C6orf58: variants seen among roughly 807,000 people sequenced by gnomAD.
The protein encoded by C6orf58 is chromosome 6 open reading frame 58.
Under a neutral mutation model 37.0 loss-of-function variants are expected in C6orf58, and 30 were observed. The observed-to-expected ratio is 0.81, with a 90% CI of 0.61 to 1.10. The LOEUF is 1.10. Among genes scored for constraint, C6orf58 ranks in the 50% least tolerant of loss-of-function variants. The pLI, the probability that C6orf58 is intolerant of heterozygous loss-of-function variation, is 0.00. For missense variants in C6orf58, 368 were observed against 387.5 expected, an observed-to-expected ratio of 0.95 and a Z score of 0.42; for synonymous variants, 143 against 134.1, an observed-to-expected ratio of 1.07 and a Z score of -0.46.
chr6:127,591,676 C>T lies in C6orf58; in HGVS notation c.*54C>T, dbSNP rs544547304. 36 of 1,396,140 alleles carry T rather than the reference C, an allele frequency of 2.6e-5. No homozygotes were observed. In the East Asian group the frequency reaches 4.4e-4, roughly 17 times the overall value. The allele number at this position is 1,396,140 out of a possible 1,614,324, so 86.5% of individuals were successfully genotyped here. ...ATTAATGAATTAAAAATGAAAAACT[C>T]GAACTTGACAATCAGTAATTTCAAA... On this transcript the variant is annotated 3_prime_UTR_variant, in exon 6 of 6. Transcript: ENST00000329722.
intron 4 of C6orf58, among the ~76,000 whole-genome samples, chr6:127,582,347 A>G (rs1361770724): frequency 6.6e-6 from 1 of 152,176 alleles, no homozygotes; most frequent in Non-Finnish European, 1.5e-5. Flanking sequence ...AATTGAACCA[A>G]CATAAATCAA....
rs1774999601 is a variant in C6orf58 at position 127,577,323 on chromosome 6, GAAC to G, written c.140_142del (p.Asn47del). 6.2e-7 allele frequency: 1 copy of G among 1,613,462 alleles called. No homozygotes were observed. Among genetic ancestry groups the G allele is most frequent in the African/African-American group, 1.3e-5 (1 of 74,878 alleles). On this transcript the variant is annotated inframe_deletion, in exon 1 of 6. Transcript: ENST00000329722. ...GTCAGCTCAGTGACTACAGGGTGGAGAACAGCATGTACATTATTAATCCCTGGG... is the reference window on the plus strand; with the variant it reads ...GTCAGCTCAGTGACTACAGGGTGGAGAGCATGTACATTATTAATCCCTGGG...
At position 127,580,421 on chromosome 6, in the gene C6orf58, C is replaced by T. The variant is rs763269625; in HGVS notation, c.545C>T (p.Thr182Ile). The T allele has an allele frequency of 2.5e-6, 4 of 1,612,540 alleles. No homozygotes were observed. The Admixed American group carries it at 6.7e-5, about 27-fold the overall frequency. Residue 182 changes from threonine (T) to isoleucine (I), a missense_variant, in exon 3 of 6, where the codon ACA (threonine) becomes ATA (isoleucine). Physicochemically the swap from Thr to Ile is moderately conservative, Grantham distance 89. Transcript: ENST00000329722. ...AGCTGTCGTTCATCCTTCCCTGAGA[C>T]AATGAACAAGTGGAACACCTTTTAC... ...VSSCRSSFPETMNKWNTFYQY... is the reference protein window; with the variant it reads ...VSSCRSSFPEIMNKWNTFYQY...
chr6:127,577,613 C>A (rs1022962510), intron 1 of C6orf58, 127 bp downstream of exon 1: 5 of 791,692 alleles, frequency 6.3e-6, no homozygotes, highest in Non-Finnish European at 8.1e-6. Flanking sequence ...TCTCTTTTCC[C>A]TTATAATCAT....
chr6:127,589,533 G>C (rs1207955480), intron 4 of C6orf58, among the ~76,000 whole-genome samples: 1 of 152,170 alleles, frequency 6.6e-6, no homozygotes, highest in Non-Finnish European at 1.5e-5. Context: ...AATAGTTACA[G>C]AGGCTTTTCT....
chr6:127,588,777 T>G lies in C6orf58; in HGVS notation c.675-1310T>G, dbSNP rs796699361. Among the ~76,000 whole-genome samples the G allele has an allele frequency of 3.9e-5, 6 of 152,336 alleles. No individual in the cohort carries two copies. The South Asian group carries it at 1.0e-3, about 26-fold the overall frequency. ...GGTGCACTCATCTCTTCTCTCCCAG[T>G]GATTCTGACTTACTTCCAATTTGTT... On this transcript the variant is annotated intron_variant, in intron 4 of 5. Transcript: ENST00000329722.
chr6:127,580,179 T>A, intron 2 of C6orf58, 86 bp from the exon 3 acceptor site: 2 of 1,055,252 alleles, frequency 1.9e-6, no homozygotes, highest in Non-Finnish European at 2.7e-6. Context: ...GTCTGTGAAT[T>A]TTTTTATGAC....
chr6:127,583,573 G>A (rs1375457039), intron 4 of C6orf58, among the ~76,000 whole-genome samples: 3 of 152,140 alleles, frequency 2.0e-5, no homozygotes, highest in Non-Finnish European at 4.4e-5. Flanking sequence ...AGTCCCAGGG[G>A]TCTGGAGGGG....
At chr6:127,580,176 A>T in intron 2 of C6orf58, 89 bp from the exon 3 acceptor site, 2 of 1,003,348 alleles carry the variant, frequency 2.0e-6, no homozygotes, top group Non-Finnish European at 2.9e-6. Flanking sequence ...TGGGTCTGTG[A>T]ATTTTTTTAT....
rs1775048671 is a variant in C6orf58 at position 127,581,353 on chromosome 6, C to A, written c.674+71C>A. On this transcript the variant is annotated intron_variant, in intron 4 of 5. Transcript: ENST00000329722. ...TTTTGGGCATTATTTATATATTTTT[C>A]TTCTTCTTCTAGAGTGTTTTTCAAT... 8.4e-6 allele frequency: 5 copies of A among 594,800 alleles called. No homozygotes were observed. The East Asian group carries it at 1.3e-4, about 16-fold the overall frequency. The allele number at this position is 594,800 out of a possible 1,614,324, so 36.8% of individuals were successfully genotyped here.
chr6:127,582,310 T>C (rs896401068), intron 4 of C6orf58, among the ~76,000 whole-genome samples: 2 of 152,134 alleles, frequency 1.3e-5, no homozygotes, highest in Non-Finnish European at 2.9e-5. Flanking sequence ...AGGAGGCTGA[T>C]ACTAAGAGAC....
intron 4 of C6orf58, among the ~76,000 whole-genome samples, chr6:127,588,471 A>G (rs1775127990): frequency 6.6e-6 from 1 of 152,162 alleles, no homozygotes; most frequent in Admixed American, 6.5e-5. Context: ...CTTTAGGCAA[A>G]TATATATTAA....
At chr6:127,591,511 G>T (rs1583132335) in intron 5 of C6orf58, 32 bp from the exon 6 acceptor site, 4 of 1,498,294 alleles carry the variant, frequency 2.7e-6, no homozygotes, top group Non-Finnish European at 3.5e-6. Context: ...ATTTGCAAGA[G>T]TTTACATGTA....
intron 3 of C6orf58, among the ~76,000 whole-genome samples, chr6:127,580,961 G>C (rs920967828): frequency 2.0e-5 from 3 of 152,034 alleles, no homozygotes; most frequent in Admixed American, 6.6e-5. Flanking sequence ...AATACTTGAA[G>C]TTCAATACTT....
Position 127,591,792 on chromosome 6 carries a change from T to A in C6orf58, c.*170T>A, listed in dbSNP as rs907252659. 8.1e-5 allele frequency: 35 copies of A among 429,466 alleles called. No individual in the cohort carries two copies. Among genetic ancestry groups the A allele is most frequent in the African/African-American group, 7.3e-4 (31 of 42,300 alleles). The allele number at this position is 429,466 out of a possible 1,614,324, so 26.6% of individuals were successfully genotyped here. On this transcript the variant is annotated 3_prime_UTR_variant, in exon 6 of 6. Transcript: ENST00000329722. ...AAGATCTTGTACATGTATTAAAAACTTAAATTAAATGCATTCAAGTTAAAA... is the reference window on the plus strand; with the variant it reads ...AAGATCTTGTACATGTATTAAAAACATAAATTAAATGCATTCAAGTTAAAA...
rs754467937 is a variant in C6orf58 at position 127,581,262 on chromosome 6, T to C, written c.654T>C (p.Asn218=). 9.2e-6 allele frequency: 14 copies of C among 1,515,750 alleles called. No homozygotes were observed. Among genetic ancestry groups the C allele is most frequent in the Non-Finnish European group, 1.1e-5 (12 of 1,123,152 alleles). 93.9% of individuals were successfully genotyped at this position (1,515,750 alleles called of 1,614,324 possible). The change falls in exon 4 of 6, where the codon AAT becomes AAC. Residue 218 remains asparagine, a synonymous_variant. Coordinates refer to ENST00000329722, the MANE Select transcript of C6orf58 (RefSeq NM_001010905.3). ...WAAHTSTLAD[N]IKSFEDRYDY... ...CACACACTTCAACCTTGGCAGATAA[T>C]ATCAAAAGTTTTGAAGACAGGTAAG...
chr6:127,578,616 G>A, intron 1 of C6orf58, 70 bp from the exon 2 acceptor site: 1 of 1,024,698 alleles, frequency 9.8e-7, no homozygotes, highest in East Asian at 2.5e-5. Context: ...AATCTATGTG[G>A]TTAAGCAATA....
At chr6:127,579,670 T>C (rs1213363928) in intron 2 of C6orf58, among the ~76,000 whole-genome samples, 1 of 152,100 alleles carries the variant, frequency 6.6e-6, no homozygotes, top group Non-Finnish European at 1.5e-5. Flanking sequence ...ATAGGTGATA[T>C]ATAGGTAAAA....
chr6:127,589,838 A>G (rs1775142596), intron 4 of C6orf58, among the ~76,000 whole-genome samples: 1 of 152,206 alleles, frequency 6.6e-6, no homozygotes, highest in Admixed American at 6.5e-5. Flanking sequence ...GTGCTGAATT[A>G]AAGAAGATAA....
Sources: allele counts gnomAD v4.1 joint callset (sites outside exome capture counted in the v4.1 genomes callset), GRCh38; gene constraint gnomAD v4.1.1; transcripts MANE v1.5; gene names NCBI Gene and HGNC (gene_info 2026-07-23, HGNC 2026-07-21).